Variants in ATP8B4 observed in about 807,000 individuals in gnomAD.
The protein encoded by ATP8B4 is probable phospholipid-transporting ATPase IM.
Under a neutral mutation model 145.6 loss-of-function variants are expected in ATP8B4, and 133 were observed. The ratio of observed to expected loss-of-function variants is 0.91; its 90% CI spans 0.79 to 1.05. The LOEUF (loss-of-function observed/expected upper bound fraction) is 1.05. ATP8B4 is among the 50% of genes least tolerant of loss of function. ATP8B4 has a pLI of 0.00. For missense variants in ATP8B4, 1,458 were observed against 1,425.2 expected (o/e 1.02, Z -0.37); for synonymous variants, 507 against 492.9 (o/e 1.03, Z -0.38).
intron 3 of ATP8B4, among the ~76,000 whole-genome samples, chr15:50,063,238 T>A (rs2053153215): frequency 6.6e-6 from 1 of 152,032 alleles, no homozygotes; most frequent in African/African-American, 2.4e-5. Flanking sequence ...AACAGCAACC[T>A]ATAGGGAGGT....
intron 9 of ATP8B4, among the ~76,000 whole-genome samples, chr15:49,991,905 C>T (rs766299814): frequency 2.6e-5 from 4 of 152,118 alleles, no homozygotes; most frequent in Non-Finnish European, 4.4e-5. Context: ...TTTAAAATTT[C>T]ATTTATTTCC....
chr15:49,978,079 A>C (rs182941094), intron 12 of ATP8B4, among the ~76,000 whole-genome samples: 1 of 152,186 alleles, frequency 6.6e-6, no homozygotes, highest in South Asian at 2.1e-4. Context: ...AAAAAAATCA[A>C]TCTTTCAAAT....
In ATP8B4 at chr15:50,139,357, G is replaced by A. The variant is rs938135025; in HGVS notation, c.-42-32349C>T. Among the ~76,000 whole-genome samples, 21 of 152,006 alleles carry A rather than the reference G, an allele frequency of 1.4e-4. 1 individual carries two copies. The highest frequency in any genetic ancestry group is 1.3e-3 in the Admixed American group (20 of 15,246). ...AGGAACAGAAAACCAAACACCGCAT[G>A]TTCTCACTCATAAGTGGGAGTTGAA... On this transcript the variant is annotated intron_variant, in intron 1 of 3. Transcript: ENST00000558829.
At chr15:49,966,526 C>G (rs2044558088) in intron 13 of ATP8B4, among the ~76,000 whole-genome samples, 1 of 152,214 alleles carries the variant, frequency 6.6e-6, no homozygotes, top group Admixed American at 6.5e-5. Flanking sequence ...GCGGAGCCCA[C>G]TGCAGCTCAG....
intron 12 of ATP8B4, among the ~76,000 whole-genome samples, chr15:49,978,147 T>C (rs780947399): frequency 2.6e-5 from 4 of 152,198 alleles, no homozygotes; most frequent in Non-Finnish European, 5.9e-5. Flanking sequence ...ATATACTTCC[T>C]TTGTGAGGAC....
chr15:49,879,605 T>C, intron 23 of ATP8B4, 146 bp from the exon 24 acceptor site: 1 of 653,342 alleles, frequency 1.5e-6, no homozygotes, highest in East Asian at 2.8e-5. Context: ...TAGACCTGCC[T>C]CTTATCAGCT....
chr15:50,085,962 T>TATATGATATATA (rs1567331326), intron 2 of ATP8B4, among the ~76,000 whole-genome samples: 1 of 55,274 alleles, frequency 1.8e-5, no homozygotes, highest in Non-Finnish European at 3.2e-5. Context: ...ATCATATATA[T>TATATGATATATA]TTATATATGA....
chr15:50,130,108 C>T (rs1024782180), intron 1 of ATP8B4, among the ~76,000 whole-genome samples: 9 of 152,168 alleles, frequency 5.9e-5, no homozygotes, highest in African/African-American at 2.2e-4. Context: ...GGCCTTTTCA[C>T]AGCCTGCATA....
chr15:50,144,659 C>T (rs911864204), intron 1 of ATP8B4, among the ~76,000 whole-genome samples: 23 of 152,102 alleles, frequency 1.5e-4, no homozygotes, highest in African/African-American at 5.3e-4. Flanking sequence ...GGACACAGAG[C>T]CAAACTATAT....
chr15:50,061,357 A>G (rs1030152685), intron 3 of ATP8B4, among the ~76,000 whole-genome samples: 1 of 152,174 alleles, frequency 6.6e-6, no homozygotes, highest in Non-Finnish European at 1.5e-5. Context: ...GAGGAAAAGG[A>G]ATAGGGATCA....
At chr15:50,002,493 T>A (rs993238890) in intron 7 of ATP8B4, among the ~76,000 whole-genome samples, 1 of 152,184 alleles carries the variant, frequency 6.6e-6, no homozygotes. Context: ...CACCTTTTTT[T>A]AATGAAACAT....
At chr15:50,153,246 A>G (rs573932642) in intron 1 of ATP8B4, among the ~76,000 whole-genome samples, 39 of 152,352 alleles carry the variant, frequency 2.6e-4, no homozygotes, top group African/African-American at 8.7e-4. Flanking sequence ...ATGACAAATC[A>G]TAACAGCAGA....
Position 49,876,410 on chromosome 15 carries a change from G to C in ATP8B4, c.2895C>G (p.Thr965=), listed in dbSNP as rs1202971413. 3 of 1,614,098 alleles carry C rather than the reference G, an allele frequency of 1.9e-6. No individual in the cohort carries two copies. The highest frequency in any genetic ancestry group is 1.7e-5 in the Admixed American group (1 of 60,026). Residue 965 remains threonine (T), a synonymous_variant, in exon 25 of 28, where the codon ACC becomes ACG. Transcript: ENST00000284509. ...AGGGGATGAAGAAAAGGACTAATGA[G>C]GTGTAGATTCCATGCAACACGCAAA... ...FFICVLHGIY[T]SLVLFFIPYG... is the part of the protein sequence containing the mutation.
rs1226580463 is a variant in ATP8B4 at position 50,177,552 on chromosome 15, A to C, written c.-43+4709T>G. ...TCACATGAACTCTACATGGAAGTGT[A>C]AAACAAGTATATGAGCTGTTTTGAT... On this transcript the variant is annotated intron_variant, in intron 1 of 3. Coordinates refer to the ATP8B4 transcript ENST00000558829. Among the ~76,000 whole-genome samples, 11 of 152,208 alleles carry C rather than the reference A, an allele frequency of 7.2e-5. 1 individual carries two copies. The highest frequency in any genetic ancestry group is 7.2e-4 in the Admixed American group (11 of 15,280).
chr15:50,011,121 G>A (rs72734857), intron 6 of ATP8B4, among the ~76,000 whole-genome samples: 1 of 151,840 alleles, frequency 6.6e-6, no homozygotes, highest in African/African-American at 2.4e-5. Flanking sequence ...AGTGAGTTAG[G>A]GGTACTCCTG....
rs962805997 is a variant in ATP8B4 at position 49,901,219 on chromosome 15, A to T, written c.2162T>A (p.Phe721Tyr). Reference protein sequence around the residue: ...EELRKAKQNLFGQNRNFSNGH... With the variant: ...EELRKAKQNLYGQNRNFSNGH... Reference sequence around the variant, plus strand: ...ATTGGAAAAATTTCTGTTTTGTCCAAACAAATTTTGTTTTGCTTTCCTTAA... The same window carrying T: ...ATTGGAAAAATTTCTGTTTTGTCCATACAAATTTTGTTTTGCTTTCCTTAA... Residue 721 changes from phenylalanine to tyrosine, a missense_variant, in exon 21 of 28, where the codon TTT (phenylalanine) becomes TAT (tyrosine). Physicochemically the swap from Phe to Tyr is conservative, Grantham distance 22. Coordinates refer to ENST00000284509, the MANE Select transcript of ATP8B4 (RefSeq NM_024837.4). 2 of 1,613,254 alleles carry T rather than the reference A, an allele frequency of 1.2e-6. No homozygotes were observed. Among genetic ancestry groups the T allele is most frequent in the African/African-American group, 2.7e-5 (2 of 74,870 alleles).
intron 23 of ATP8B4, 76 bp from the exon 24 acceptor site, chr15:49,879,535 C>G: frequency 7.5e-7 from 1 of 1,341,364 alleles, no homozygotes; most frequent in Non-Finnish European, 1.0e-6. Context: ...GTTAAATAAC[C>G]AGGTTTTCTG....
chr15:50,045,528 C>T (rs891120915), intron 4 of ATP8B4, among the ~76,000 whole-genome samples: 3 of 152,012 alleles, frequency 2.0e-5, no homozygotes, highest in Admixed American at 6.6e-5. Flanking sequence ...GGGGTAGAGA[C>T]GGTCAGTGGC....
At chr15:49,973,659 A>G (rs2045390604) in intron 12 of ATP8B4, among the ~76,000 whole-genome samples, 1 of 152,192 alleles carries the variant, frequency 6.6e-6, no homozygotes, top group Admixed American at 6.6e-5. Context: ...GATTAATATA[A>G]TTCTGATTAC....
Sources: allele counts gnomAD v4.1 joint callset (sites outside exome capture counted in the v4.1 genomes callset), GRCh38; gene constraint gnomAD v4.1.1; transcripts MANE v1.5; gene names NCBI Gene and HGNC (gene_info 2026-07-23, HGNC 2026-07-21).